Variants in AP3S2 observed in about 807,000 individuals in gnomAD.
AP3S2 encodes AP-3 complex subunit sigma-2.
Under a neutral mutation model 23.4 loss-of-function variants are expected in AP3S2, and 22 were observed. The observed-to-expected ratio is 0.94, with a 90% CI of 0.67 to 1.34. AP3S2 has a LOEUF of 1.34. Among genes scored for constraint, AP3S2 ranks in the 40% most tolerant of loss-of-function variants. The pLI is 0.00. For synonymous variants in AP3S2, 86 were observed against 87.1 expected (o/e 0.99, Z 0.07); for missense variants, 241 against 236.9 (o/e 1.02, Z -0.11).
rs1201572417 is a variant in AP3S2, at chr15:89,844,211, CTT to C, written c.346-6491_346-6490del. ...CAAAAAACCCTCTTTCTTTCTTTCT[CTT>C]TCTTTCTTTCTTTCTTTCTTTCTTT... is the stretch of plus-strand genomic sequence containing the variant. On this transcript the variant is annotated intron_variant, in intron 4 of 5. Transcript: ENST00000336418. Among the ~76,000 whole-genome samples, 9 of 9,578 alleles carry C rather than the reference CTT, an allele frequency of 9.4e-4. No homozygotes were observed. In the East Asian group the frequency reaches 0.015, roughly 16 times the overall value. The allele number at this position is 9,578 out of a possible 152,430, so 6.3% of individuals were successfully genotyped here. A position where few individuals can be genotyped will look rare whatever the true frequency, so the allele number is the denominator to read the frequency against.
At chr15:89,885,464 A>G (rs898002594) in intron 3 of AP3S2, among the ~76,000 whole-genome samples, 11 of 152,152 alleles carry the variant, frequency 7.2e-5, no homozygotes, top group African/African-American at 2.7e-4. Flanking sequence ...TGGCCTCCCA[A>G]AGTGCTAGGA....
chr15:89,858,741 G>A (rs528058757), intron 4 of AP3S2, among the ~76,000 whole-genome samples: 1 of 152,272 alleles, frequency 6.6e-6, no homozygotes, highest in Non-Finnish European at 1.5e-5. Context: ...TGGGTAATAA[G>A]CTTTGTTTAC....
intron 4 of AP3S2, among the ~76,000 whole-genome samples, chr15:89,866,608 C>T (rs532205219): frequency 1.3e-5 from 2 of 151,864 alleles, no homozygotes; most frequent in East Asian, 3.9e-4. Flanking sequence ...GTCTCAGCCT[C>T]CTGAGTAGCT....
chr15:89,893,727 G>T, intron 1 of AP3S2, 154 bp downstream of exon 1: 1 of 686,700 alleles, frequency 1.5e-6, no homozygotes, highest in Non-Finnish European at 2.4e-6. Context: ...ACCAGCCTGC[G>T]CCTAGATTAA....
chr15:89,841,308 G>T (rs1265853371), intron 4 of AP3S2, among the ~76,000 whole-genome samples: 1 of 152,144 alleles, frequency 6.6e-6, no homozygotes, highest in East Asian at 1.9e-4. Context: ...ATAACTACAG[G>T]ATATCCAAAA....
intron 4 of AP3S2, among the ~76,000 whole-genome samples, chr15:89,870,152 T>G (rs1884960626): frequency 6.6e-6 from 1 of 152,240 alleles, no homozygotes; most frequent in African/African-American, 2.4e-5. Flanking sequence ...CTCTAGTTCC[T>G]CTAGTACAAA....
At chr15:89,837,277 TG>T (rs1330361585) in intron 5 of AP3S2, among the ~76,000 whole-genome samples, 1 of 152,198 alleles carries the variant, frequency 6.6e-6, no homozygotes, top group Non-Finnish European at 1.5e-5. Flanking sequence ...AAGAGGGTTC[TG>T]GGTCCCTCCA....
At chr15:89,854,392 TG>T (rs1895754156) in intron 4 of AP3S2, among the ~76,000 whole-genome samples, 1 of 29,624 alleles carries the variant, frequency 3.4e-5, no homozygotes, top group Non-Finnish European at 6.5e-5. Context: ...GGGAGGGAGG[TG>T]GGGGGGTCAG....
intron 4 of AP3S2, among the ~76,000 whole-genome samples, chr15:89,838,658 G>T (rs962766863): frequency 6.6e-6 from 1 of 152,192 alleles, no homozygotes; most frequent in African/African-American, 2.4e-5. Flanking sequence ...AAGACAGCAA[G>T]TACAACCTTC....
rs1421413809 is a variant in AP3S2, at chr15:89,830,671, G to A, written c.*4844C>T. On this transcript the variant is annotated 3_prime_UTR_variant, in exon 6 of 6. Coordinates refer to ENST00000336418, the MANE Select transcript of AP3S2 (RefSeq NM_005829.5). Reference sequence around the variant, plus strand: ...TGCCCAGCAGCTGGGATGCAGCACTGAACACGAGACAAGCCCCTGCCCTGG... The same window carrying A: ...TGCCCAGCAGCTGGGATGCAGCACTAAACACGAGACAAGCCCCTGCCCTGG... 6.6e-6 allele frequency: 1 copy of A among 152,284 alleles called. No individual in the cohort carries two copies. The allele number at this position is 152,284 out of a possible 1,614,324, so 9.4% of individuals were successfully genotyped here. A position where few individuals can be genotyped will look rare whatever the true frequency, so the allele number is the denominator to read the frequency against.
chr15:89,877,178 G>A (rs1896462190), intron 3 of AP3S2: 1 of 499,538 alleles, frequency 2.0e-6, no homozygotes, highest in East Asian at 5.9e-5. Context: ...GCAATAGGAA[G>A]TACTGTATTT....
intron 4 of AP3S2, among the ~76,000 whole-genome samples, chr15:89,868,084 C>A (rs1896192202): frequency 8.2e-6 from 1 of 121,464 alleles, no homozygotes; most frequent in Non-Finnish European, 1.8e-5. Context: ...AGCCCCTCAG[C>A]CTGGCCAGCC....
chr15:89,844,269 T>TTCTTTCTCTC (rs1307399243), intron 4 of AP3S2, among the ~76,000 whole-genome samples: 2 of 12,102 alleles, frequency 1.7e-4, no homozygotes, highest in African/African-American at 2.8e-4. Context: ...CTTTCTTTCT[T>TTCTTTCTCTC]TCTCTCTCTC....
chr15:89,853,073 G>C (rs182285067), intron 4 of AP3S2, among the ~76,000 whole-genome samples: 71 of 152,298 alleles, frequency 4.7e-4, no homozygotes, highest in Non-Finnish European at 8.8e-4. Context: ...ATCACTCAGT[G>C]TCACTGAACT....
intron 4 of AP3S2, among the ~76,000 whole-genome samples, chr15:89,868,171 G>T (rs1353618116): frequency 2.8e-5 from 2 of 71,974 alleles, no homozygotes; most frequent in African/African-American, 9.3e-5. Flanking sequence ...AGGTGGGGGG[G>T]TCAGCCCCCC....
intron 4 of AP3S2, among the ~76,000 whole-genome samples, chr15:89,854,599 C>G (rs1895767003): frequency 1.4e-5 from 1 of 70,998 alleles, no homozygotes; most frequent in Non-Finnish European, 2.9e-5. Flanking sequence ...GCCCAGCCAG[C>G]CGCCCTGTCC....
At chr15:89,882,571 G>A (rs1212108566) in intron 3 of AP3S2, among the ~76,000 whole-genome samples, 3 of 151,730 alleles carry the variant, frequency 2.0e-5, no homozygotes, top group Non-Finnish European at 4.4e-5. Flanking sequence ...TGGCTAGGCT[G>A]GTCTCAAAGT....
chr15:89,867,919 GT>G (rs1302431301), intron 4 of AP3S2, among the ~76,000 whole-genome samples: 2 of 129,420 alleles, frequency 1.5e-5, no homozygotes, highest in Admixed American at 7.4e-5. Context: ...CGGGAGGGAG[GT>G]GGGGGGGGTC....
chr15:89,836,611 C>A (rs8030857), intron 5 of AP3S2, among the ~76,000 whole-genome samples: 1 of 151,974 alleles, frequency 6.6e-6, no homozygotes, highest in African/African-American at 2.4e-5. Flanking sequence ...CTCACCCCCA[C>A]GTGGAGGGAA....
Sources: gnomAD v4.1 joint callset for allele counts (sites outside exome capture counted in the v4.1 genomes callset) on GRCh38, gnomAD v4.1.1 for gene constraint, MANE v1.5 for transcripts, NCBI Gene and HGNC (gene_info 2026-07-23, HGNC 2026-07-21) for gene names.